Variants in CPVL observed in about 807,000 individuals in gnomAD.
The protein encoded by CPVL is carboxypeptidase vitellogenic like, also known as probable serine carboxypeptidase CPVL.
Under a neutral mutation model 63.7 loss-of-function variants are expected in CPVL, and 51 were observed. That is an observed-to-expected ratio of 0.80 (90% CI 0.64 to 1.01). CPVL has a LOEUF of 1.01. Ranked by LOEUF, CPVL falls within the 50% of genes least tolerant of loss-of-function variation. The pLI is 0.00. For missense variants in CPVL, 530 were observed against 573.1 expected (o/e 0.92, Z 0.77); for synonymous variants, 195 against 206.0 (o/e 0.95, Z 0.46).
intron 1 of CPVL, chr7:29,194,676 C>G: frequency 2.7e-6 from 1 of 366,404 alleles, no homozygotes; most frequent in Admixed American, 4.8e-5. Flanking sequence ...CGGCCTCCCT[C>G]TGCTCCCACC....
chr7:29,150,206 A>G (rs1392504346), upstream of CPVL, among the ~76,000 whole-genome samples: 1 of 152,244 alleles, frequency 6.6e-6, no homozygotes, highest in Non-Finnish European at 1.5e-5. Flanking sequence ...GTTTGAATCT[A>G]GAACCTTGCA....
At chr7:29,134,558 G>A (rs576432155) in intron 1 of CPVL, among the ~76,000 whole-genome samples, 2 of 152,258 alleles carry the variant, frequency 1.3e-5, no homozygotes, top group South Asian at 4.2e-4. Context: ...GGAGATAAGA[G>A]AAGATATTGC....
At position 29,030,651 on chromosome 7, in the gene CPVL, T is replaced by C. The variant is rs949471035; in HGVS notation, c.1246A>G (p.Lys416Glu). The C allele has an allele frequency of 1.2e-5, 20 of 1,613,840 alleles. No homozygotes were observed. Among genetic ancestry groups the C allele is most frequent in the Non-Finnish European group, 1.6e-5 (19 of 1,179,944 alleles). The change falls in exon 12 of 13, where the codon AAA (lysine) becomes GAA (glutamate). Residue 416 changes from lysine (K) to glutamate (E), a missense_variant. By Grantham distance (56) the Lys-to-Glu change is moderately conservative. Transcript: ENST00000265394. ...KGSQEYKKAE[K>E]KVWKIFKSDS... ...GATTTAAAGATCTTCCAAACTTTTT[T>C]TTCTGCCTTCTTGTATTCCTGGGAT...
At chr7:29,091,543 TGGG>T (rs3214355) in intron 6 of CPVL, among the ~76,000 whole-genome samples, 7,589 of 152,078 alleles carry the variant, frequency 0.05, 192 homozygotes, top group South Asian at 0.072. Context: ...GAGGAGGTGC[TGGG>T]GGGAACACCC....
In CPVL at chr7:29,092,029, T is replaced by G. The variant is rs527713533; in HGVS notation, c.542+594A>C. ...AAAGAATCTAGGACTTGGTCTCTAG[T>G]AATAATTTGTAGACTGGAAAAATCT... On this transcript the variant is annotated intron_variant, in intron 6 of 12. Transcript: ENST00000265394. 1.9e-4 allele frequency among the ~76,000 whole-genome samples: 29 copies of G among 152,114 alleles called. 1 individual carries two copies. Among genetic ancestry groups the G allele is most frequent in the Admixed American group, 7.9e-4 (12 of 15,258 alleles).
In CPVL at chr7:29,142,588, G is replaced by A. The variant is rs573721809; in HGVS notation, c.-11+3841C>T. 3.8e-4 allele frequency among the ~76,000 whole-genome samples: 55 copies of A among 146,130 alleles called. 1 individual carries two copies. The highest frequency in any genetic ancestry group is 1.3e-3 in the African/African-American group (50 of 39,358). On this transcript the variant is annotated intron_variant, in intron 1 of 12. Transcript: ENST00000265394. ...GTTGCCCAGGCTGGAGTGTAGTGGTGCAATCTCGGTTCACTGGAGCCTCTG... is the reference window on the plus strand; with the variant it reads ...GTTGCCCAGGCTGGAGTGTAGTGGTACAATCTCGGTTCACTGGAGCCTCTG...
intron 3 of CPVL, among the ~76,000 whole-genome samples, chr7:29,100,149 G>A (rs1786952076): frequency 6.6e-6 from 1 of 152,164 alleles, no homozygotes; most frequent in Non-Finnish European, 1.5e-5. Flanking sequence ...GTGGAAGGTA[G>A]CCCCTGCTCT....
intron 12 of CPVL, among the ~76,000 whole-genome samples, chr7:29,003,114 T>C (rs1283455084): frequency 1.3e-5 from 2 of 151,546 alleles, no homozygotes; most frequent in African/African-American, 4.8e-5. Flanking sequence ...CACATAATAG[T>C]ATATTAGTAA....
intron 6 of CPVL, among the ~76,000 whole-genome samples, chr7:29,092,044 T>C (rs556436208): frequency 2.6e-5 from 4 of 152,244 alleles, no homozygotes; most frequent in Non-Finnish European, 5.9e-5. Flanking sequence ...ATTTGTAGAC[T>C]GGAAAAATCT....
At chr7:29,194,621 G>C (rs1304228866) in intron 1 of CPVL, 1 of 282,334 alleles carries the variant, frequency 3.5e-6, no homozygotes, top group African/African-American at 2.2e-5. Flanking sequence ...GTGGACGGCA[G>C]AGGGGCTCGG....
At chr7:29,066,500 G>A (rs1783151118) in intron 9 of CPVL, among the ~76,000 whole-genome samples, 1 of 152,196 alleles carries the variant, frequency 6.6e-6, no homozygotes, top group Non-Finnish European at 1.5e-5. Flanking sequence ...GTAGAGAGGA[G>A]GTCACAGAGG....
chr7:29,083,930 C>CT (rs968968902), intron 7 of CPVL, among the ~76,000 whole-genome samples: 9 of 150,868 alleles, frequency 6.0e-5, no homozygotes, highest in South Asian at 4.2e-4. Context: ...TAATTTTTTC[C>CT]TTTTTTTTTC....
chr7:29,149,781 G>A (rs2128689317), upstream of CPVL, among the ~76,000 whole-genome samples: 1 of 152,146 alleles, frequency 6.6e-6, no homozygotes, highest in African/African-American at 2.4e-5. Flanking sequence ...CCCAATCTCT[G>A]CTTCAGCCTT....
At chr7:29,141,914 CAAA>C (rs35465616) in intron 1 of CPVL, among the ~76,000 whole-genome samples, 1 of 143,454 alleles carries the variant, frequency 7.0e-6, no homozygotes, top group Non-Finnish European at 1.5e-5. Context: ...GACACCATCT[CAAA>C]AAAAAAAAAA....
intron 5 of CPVL, among the ~76,000 whole-genome samples, chr7:29,174,855 C>G (rs1309964531): frequency 6.9e-6 from 1 of 145,936 alleles, no homozygotes; most frequent in Admixed American, 6.8e-5. Flanking sequence ...GAGCAAAACT[C>G]CATCTAAAAA....
At chr7:29,111,144 T>C (rs1175584570) in intron 3 of CPVL, among the ~76,000 whole-genome samples, 2 of 152,256 alleles carry the variant, frequency 1.3e-5, no homozygotes, top group Non-Finnish European at 2.9e-5. Flanking sequence ...CAATTTGTTA[T>C]AGCAGCAAGA....
intron 11 of CPVL, among the ~76,000 whole-genome samples, chr7:29,040,489 A>G (rs2061825191): frequency 6.6e-6 from 1 of 152,222 alleles, no homozygotes. Context: ...GTAATTGTGC[A>G]GAGTCTTAGG....
At chr7:29,129,245 A>C (rs1260647715) in intron 1 of CPVL, among the ~76,000 whole-genome samples, 1 of 152,216 alleles carries the variant, frequency 6.6e-6, no homozygotes, top group Non-Finnish European at 1.5e-5. Flanking sequence ...TTGTGAAGGC[A>C]GATCCATGAA....
At chr7:29,074,124 C>A (rs1784007308) in intron 7 of CPVL, among the ~76,000 whole-genome samples, 1 of 152,184 alleles carries the variant, frequency 6.6e-6, no homozygotes, top group African/African-American at 2.4e-5. Context: ...AGTTGTAGAG[C>A]CAGAATTACA....
Sources: allele counts gnomAD v4.1 joint callset (sites outside exome capture counted in the v4.1 genomes callset), GRCh38; gene constraint gnomAD v4.1.1; transcripts MANE v1.5; gene names NCBI Gene and HGNC (gene_info 2026-07-23, HGNC 2026-07-21).